The following POU2AF2 variants were observed in gnomAD, a reference collection of about 807,000 sequenced individuals.
POU2AF2 encodes the protein POU domain class 2-associating factor 2.
the POU2AF2 span, chr11:111,284,152 G>A: frequency 1.9e-6 from 3 of 1,614,206 alleles, no homozygotes; most frequent in Non-Finnish European, 2.5e-6. Flanking sequence ...ACAGTAAACA[G>A]TTTTCAAATG....
At chr11:111,284,466 G>A in the POU2AF2 span, 1 of 1,422,748 alleles carries the variant, frequency 7.0e-7, no homozygotes, top group Non-Finnish European at 9.3e-7. Context: ...CCGGGTTGAA[G>A]CCAGGTCTGG....
At chr11:111,265,347 CT>C in the POU2AF2 span, among the ~76,000 whole-genome samples, 1 of 152,130 alleles carries the variant, frequency 6.6e-6, no homozygotes, top group African/African-American at 2.4e-5. Context: ...AAATCTGTCC[CT>C]CAACTGGCTA....
chr11:111,270,960 T>C, the POU2AF2 span, among the ~76,000 whole-genome samples: 1 of 152,180 alleles, frequency 6.6e-6, no homozygotes, highest in African/African-American at 2.4e-5. Context: ...CCACCAGTCA[T>C]TTCCAACCTG....
the POU2AF2 span, among the ~76,000 whole-genome samples, chr11:111,276,453 A>ATATATATAT: frequency 3.0e-3 from 112 of 37,516 alleles, no homozygotes; most frequent in South Asian, 4.5e-3. Flanking sequence ...AAAAAAAAAA[A>ATATATATAT]ATATATATAT....
the POU2AF2 span, among the ~76,000 whole-genome samples, chr11:111,252,979 T>C: frequency 2.6e-5 from 4 of 152,334 alleles, no homozygotes; most frequent in South Asian, 2.1e-4. Flanking sequence ...AACCACTGAA[T>C]TGAAAGTAAG....
chr11:111,251,406 A>G, the POU2AF2 span, among the ~76,000 whole-genome samples: 3 of 152,226 alleles, frequency 2.0e-5, no homozygotes, highest in Non-Finnish European at 4.4e-5. Flanking sequence ...TCATATTTGG[A>G]TGTGTGGAGT....
the POU2AF2 span, among the ~76,000 whole-genome samples, chr11:111,273,014 TTA>T: frequency 5.9e-5 from 9 of 152,216 alleles, no homozygotes; most frequent in African/African-American, 2.2e-4. Context: ...TTTATATTCA[TTA>T]TAGAGTATTT....
the POU2AF2 span, among the ~76,000 whole-genome samples, chr11:111,266,482 A>T: frequency 2.0e-5 from 3 of 152,190 alleles, no homozygotes; most frequent in East Asian, 5.8e-4. Flanking sequence ...AATATAGGGA[A>T]TAGAAAAGAC....
the POU2AF2 span, chr11:111,281,258 C>T: frequency 1.8e-6 from 1 of 571,186 alleles, no homozygotes; most frequent in Non-Finnish European, 3.0e-6. Context: ...TTCTTATTCT[C>T]AGTTGACCTG....
chr11:111,274,833 G>T, the POU2AF2 span, among the ~76,000 whole-genome samples: 6 of 152,108 alleles, frequency 3.9e-5, no homozygotes, highest in African/African-American at 1.4e-4. Flanking sequence ...AACAGGCTCT[G>T]ATATCAGAAA....
At chr11:111,255,217 T>C in the POU2AF2 span, among the ~76,000 whole-genome samples, 31 of 152,216 alleles carry the variant, frequency 2.0e-4, no homozygotes, top group Non-Finnish European at 3.7e-4. Flanking sequence ...GGATTCCAGC[T>C]CTATTGCTTA....
the POU2AF2 span, chr11:111,281,472 C>T: frequency 2.1e-5 from 34 of 1,608,976 alleles, no homozygotes; most frequent in Admixed American, 5.3e-4. Flanking sequence ...GCAATTATTC[C>T]CTTTTGAATT....
chr11:111,260,559 A>C, the POU2AF2 span, among the ~76,000 whole-genome samples: 1 of 152,174 alleles, frequency 6.6e-6, no homozygotes, highest in Non-Finnish European at 1.5e-5. Context: ...AGATACACAA[A>C]AGATGAGGAG....
the POU2AF2 span, chr11:111,286,156 G>A: frequency 7.5e-7 from 1 of 1,337,470 alleles, no homozygotes; most frequent in Non-Finnish European, 1.0e-6. Context: ...TTCAGAATAA[G>A]CCTCAATGCT....
At chr11:111,276,453 A>AAAAAATAGATATATATAT in the POU2AF2 span, among the ~76,000 whole-genome samples, 2 of 37,692 alleles carry the variant, frequency 5.3e-5, no homozygotes, top group Non-Finnish European at 1.0e-4. Context: ...AAAAAAAAAA[A>AAAAAATAGATATATATAT]ATATATATAT....
the POU2AF2 span, among the ~76,000 whole-genome samples, chr11:111,275,136 GC>G: frequency 6.6e-6 from 1 of 152,146 alleles, no homozygotes; most frequent in African/African-American, 2.4e-5. Context: ...AAAAATAAAA[GC>G]TTTGTGCTGT....
chr11:111,268,988 AAT>A, the POU2AF2 span, among the ~76,000 whole-genome samples: 1 of 152,090 alleles, frequency 6.6e-6, no homozygotes, highest in Non-Finnish European at 1.5e-5. Context: ...TCCTTTAATA[AAT>A]ATATCTTATT....
At chr11:111,255,401 T>A in the POU2AF2 span, among the ~76,000 whole-genome samples, 1 of 152,226 alleles carries the variant, frequency 6.6e-6, no homozygotes, top group Admixed American at 6.5e-5. Context: ...ATTCCTTATT[T>A]ATCCTCGGCC....
At chr11:111,256,409 A>G in the POU2AF2 span, among the ~76,000 whole-genome samples, 1 of 152,186 alleles carries the variant, frequency 6.6e-6, no homozygotes, top group Non-Finnish European at 1.5e-5. Flanking sequence ...GCTATTGACT[A>G]TATGCCCTTG....
Sources: gnomAD v4.1 joint callset for allele counts (sites outside exome capture counted in the v4.1 genomes callset) on GRCh38, gnomAD v4.1.1 for gene constraint, MANE v1.5 for transcripts, NCBI Gene and HGNC (gene_info 2026-07-23, HGNC 2026-07-21) for gene names.